The following SLCO1B1 variants were observed in gnomAD, a reference collection of about 807,000 sequenced individuals.
SLCO1B1 encodes OATP-2.
A neutral mutation model predicts 70.1 loss-of-function variants in SLCO1B1; 81 were observed. The observed-to-expected ratio is 1.16, with a 90% CI of 0.97 to 1.39. SLCO1B1 has a LOEUF of 1.39. Among genes scored for constraint, SLCO1B1 ranks in the 40% most tolerant of loss-of-function variants. The probability of loss-of-function intolerance (pLI) is 0.00; values close to 1 mark genes in which losing one functional copy is unlikely to be tolerated. For missense variants in SLCO1B1, 895 were observed against 799.6 expected (o/e 1.12, Z -1.44); for synonymous variants, 283 against 271.5 (o/e 1.04, Z -0.42).
chr12:21,210,794 T>A (rs1941273611), intron 11 of SLCO1B1, among the ~76,000 whole-genome samples: 1 of 151,182 alleles, frequency 6.6e-6, no homozygotes, highest in Non-Finnish European at 1.5e-5. Context: ...TAAGTTGGAT[T>A]CCTAGGTATT....
intron 10 of SLCO1B1, among the ~76,000 whole-genome samples, chr12:21,203,454 A>G (rs1941180374): frequency 6.6e-6 from 1 of 152,030 alleles, no homozygotes; most frequent in Non-Finnish European, 1.5e-5. Flanking sequence ...TTCACATTCA[A>G]GCAACAAGCA....
At chr12:21,164,975 T>C in intron 2 of SLCO1B1, 3 of 384,944 alleles carry the variant, frequency 7.8e-6, no homozygotes, top group South Asian at 6.0e-5. Flanking sequence ...ACTGCCCTTG[T>C]TCCTGTTCCT....
In SLCO1B1 at chr12:21,178,993, T is replaced by G. The variant is rs771011070; in HGVS notation, c.700T>G (p.Tyr234Asp). 3 of 1,609,336 alleles carry G rather than the reference T, an allele frequency of 1.9e-6. No homozygotes were observed. In the Admixed American group the frequency reaches 5.0e-5, roughly 27 times the overall value. The part of the protein sequence containing the change: ...FTLGSLFSKM[Y>D]VDIGYVDLST... The stretch of plus-strand genomic sequence containing the variant: ...CCTGGGATCTCTGTTTTCTAAAATG[T>G]ACGTGGATATTGGATATGTAGATCT... The change falls in exon 7 of 15, where the codon TAC (tyrosine) becomes GAC (aspartate). Residue 234 changes from tyrosine to aspartate, a missense_variant. Physicochemically the swap from Tyr to Asp is radical, Grantham distance 160. Coordinates refer to ENST00000256958, the MANE Select transcript of SLCO1B1 (RefSeq NM_006446.5).
At chr12:21,204,555 T>A (rs955689191) in intron 10 of SLCO1B1, among the ~76,000 whole-genome samples, 1 of 151,552 alleles carries the variant, frequency 6.6e-6, no homozygotes, top group Non-Finnish European at 1.5e-5. Context: ...GGCATTATTA[T>A]CTATGACTTA....
Position 21,217,177 on chromosome 12 carries a change from C to T in SLCO1B1, c.1556C>T (p.Ala519Val). The T allele has an allele frequency of 6.2e-7, 1 of 1,613,622 alleles. No homozygotes were observed. Among genetic ancestry groups the T allele is most frequent in the Non-Finnish European group, 8.5e-7 (1 of 1,179,638 alleles). The change falls in exon 12 of 15, where the codon GCC (alanine) becomes GTC (valine). Residue 519 changes from alanine to valine, a missense_variant. Ala to Val is a moderately conservative substitution (Grantham distance 64). Transcript: ENST00000256958. ...GGTCTCCAGAACAGAAATTACTCAG[C>T]CCATTTGGGTGAATGCCCAAGAGAT... is the stretch of plus-strand genomic sequence containing the variant. The part of the protein sequence containing the change: ...VTGLQNRNYS[A>V]HLGECPRDDA...
intron 14 of SLCO1B1, among the ~76,000 whole-genome samples, chr12:21,235,448 G>A (rs1941588233): frequency 1.4e-5 from 2 of 147,244 alleles, no homozygotes; most frequent in Admixed American, 1.4e-4. Context: ...TTACATACGA[G>A]ATGGATTCCT....
chr12:21,141,373 TAGC>T (rs1940304891), intron 1 of SLCO1B1, 138 bp from the exon 2 acceptor site: 2 of 396,398 alleles, frequency 5.0e-6, no homozygotes, highest in Non-Finnish European at 9.2e-6. Context: ...AGCATTGACC[TAGC>T]AGAGTGGTAA....
At chr12:21,170,455 C>G (rs1188504998) in intron 2 of SLCO1B1, among the ~76,000 whole-genome samples, 3 of 152,150 alleles carry the variant, frequency 2.0e-5, no homozygotes, top group African/African-American at 7.2e-5. Context: ...TGATGTCACT[C>G]TCTTCCACAT....
intron 2 of SLCO1B1, among the ~76,000 whole-genome samples, chr12:21,155,773 A>G (rs915027468): frequency 6.6e-6 from 1 of 152,176 alleles, no homozygotes; most frequent in Non-Finnish European, 1.5e-5. Flanking sequence ...TGGCTCCCTC[A>G]GTCCCCTGAA....
chr12:21,190,295 C>T (rs2417966), intron 7 of SLCO1B1, among the ~76,000 whole-genome samples: 1 of 152,132 alleles, frequency 6.6e-6, no homozygotes, highest in South Asian at 2.1e-4. Context: ...TTGGCTCCAG[C>T]CTTTCGGCAT....
chr12:21,176,854 A>G lies in SLCO1B1; in HGVS notation c.438A>G (p.Gln146=), dbSNP rs1940827045. The G allele has an allele frequency of 6.4e-7, 1 of 1,559,854 alleles. No individual in the cohort carries two copies. Residue 146 remains glutamine, a synonymous_variant, in exon 5 of 15, where the codon CAA becomes CAG. Coordinates refer to ENST00000256958, the MANE Select transcript of SLCO1B1 (RefSeq NM_006446.5). ...TSTLSTCLIN[Q]ILSLNRASPE... ...CCTTATCCACTTGTTTAATTAATCA[A>G]ATTTTATCACTCAATAGAGCATCAC...
chr12:21,216,735 AG>A (rs1274119666), intron 11 of SLCO1B1, among the ~76,000 whole-genome samples: 1 of 152,114 alleles, frequency 6.6e-6, no homozygotes, highest in Non-Finnish European at 1.5e-5. Flanking sequence ...ATTCCTCCTC[AG>A]GGCATGTCTC....
chr12:21,213,397 C>G (rs936220153), intron 11 of SLCO1B1, among the ~76,000 whole-genome samples: 1 of 151,880 alleles, frequency 6.6e-6, no homozygotes, highest in Non-Finnish European at 1.5e-5. Context: ...TTGGCCCCCA[C>G]TCTCTTCTGG....
intron 2 of SLCO1B1, among the ~76,000 whole-genome samples, chr12:21,160,019 A>G (rs374053326): frequency 6.6e-6 from 1 of 151,822 alleles, no homozygotes; most frequent in Non-Finnish European, 1.5e-5. Context: ...GGAAGAATCA[A>G]TATAATTAAA....
intron 2 of SLCO1B1, among the ~76,000 whole-genome samples, chr12:21,155,519 A>G (rs1940531556): frequency 6.6e-6 from 1 of 152,104 alleles, no homozygotes; most frequent in East Asian, 1.9e-4. Flanking sequence ...AAACCAGTTT[A>G]CTTTTTTCTT....
chr12:21,236,922 T>TA (rs56370646), intron 14 of SLCO1B1, among the ~76,000 whole-genome samples: 59,852 of 151,704 alleles, frequency 0.39, 12,489 homozygotes, highest in East Asian at 0.73. Flanking sequence ...TATACATCTA[T>TA]AAGTAGATCT....
intron 2 of SLCO1B1, among the ~76,000 whole-genome samples, chr12:21,166,328 G>A (rs1433028569): frequency 6.6e-6 from 1 of 152,120 alleles, no homozygotes; most frequent in African/African-American, 2.4e-5. Context: ...ATGGGCAAGA[G>A]TTCCTTAATA....
chr12:21,182,560 G>T (rs568321245), intron 7 of SLCO1B1, among the ~76,000 whole-genome samples: 1 of 152,150 alleles, frequency 6.6e-6, no homozygotes, highest in Non-Finnish European at 1.5e-5. Flanking sequence ...CAGTACTCCT[G>T]CCTGGCCACA....
At chr12:21,144,978 CA>C (rs1488442943) in intron 2 of SLCO1B1, among the ~76,000 whole-genome samples, 1 of 152,132 alleles carries the variant, frequency 6.6e-6, no homozygotes, top group African/African-American at 2.4e-5. Flanking sequence ...ACAGAGCCCA[CA>C]GACATTATAA....
Sources: allele counts gnomAD v4.1 joint callset (sites outside exome capture counted in the v4.1 genomes callset), GRCh38; gene constraint gnomAD v4.1.1; transcripts MANE v1.5; gene names NCBI Gene and HGNC (gene_info 2026-07-23, HGNC 2026-07-21).